The following TEX2 variants were observed in gnomAD, a reference collection of about 807,000 sequenced individuals.
TEX2 encodes testis-expressed protein 2.
Under a neutral mutation model 106.9 loss-of-function variants are expected in TEX2, and 53 were observed. That is an observed-to-expected ratio of 0.50 (90% CI 0.40 to 0.62). The LOEUF (loss-of-function observed/expected upper bound fraction) is 0.62. Ranked by LOEUF, TEX2 falls within the 20% of genes least tolerant of loss-of-function variation. The pLI is 0.00. For missense variants in TEX2, 1,207 were observed against 1,379.0 expected, an observed-to-expected ratio of 0.88 and a Z score of 1.98; for synonymous variants, 523 against 534.8, an observed-to-expected ratio of 0.98 and a Z score of 0.30.
chr17:64,186,331 C>T (rs761759634), intron 5 of TEX2, among the ~76,000 whole-genome samples: 2 of 152,176 alleles, frequency 1.3e-5, no homozygotes, highest in Non-Finnish European at 2.9e-5. Flanking sequence ...GGGAGGTCTG[C>T]TTCCCACTAA....
chr17:64,254,073 AAG>A (rs1433485868), intron 1 of TEX2, among the ~76,000 whole-genome samples: 2 of 152,094 alleles, frequency 1.3e-5, no homozygotes, highest in Non-Finnish European at 2.9e-5. Flanking sequence ...ACCTTCATAC[AAG>A]CCACTTAACA....
At position 64,177,313 on chromosome 17, in the gene TEX2, G is replaced by A; in HGVS notation, c.2571+12C>T. The A allele has an allele frequency of 1.2e-6, 2 of 1,614,000 alleles. No homozygotes were observed. The highest frequency in any genetic ancestry group is 1.7e-6 in the Non-Finnish European group (2 of 1,179,974). On this transcript the variant is annotated intron_variant, in intron 6 of 11. Coordinates refer to ENST00000584379, the MANE Select transcript of TEX2 (RefSeq NM_001288732.2). ...ATAGAGGATTAGAAGCCTCTTGTGT[G>A]GAAAGTGATACCTTTATTTTGCTGA...
chr17:64,228,605 T>A (rs376727830), intron 1 of TEX2, among the ~76,000 whole-genome samples: 40 of 152,268 alleles, frequency 2.6e-4, no homozygotes, highest in African/African-American at 9.1e-4. Context: ...CAGGCAGTCA[T>A]GCGAGGGATG....
At chr17:64,202,832 A>G (rs759326806) in intron 2 of TEX2, among the ~76,000 whole-genome samples, 14 of 152,210 alleles carry the variant, frequency 9.2e-5, no homozygotes, top group Non-Finnish European at 1.9e-4. Flanking sequence ...TTCTTTCTGA[A>G]GCTAGAGCTG....
Position 64,185,140 on chromosome 17 carries a change from T to C in TEX2, c.2424+3028A>G, listed in dbSNP as rs1238612652. On this transcript the variant is annotated intron_variant, in intron 5 of 11. Coordinates refer to ENST00000584379, the MANE Select transcript of TEX2 (RefSeq NM_001288732.2). This position sits in a 1 kb window ranked among gnomAD's most constrained non-coding sequence, Gnocchi z 4.0. Reference sequence around the variant, plus strand: ...TGTAATCCAGTTTATAGATATGAGATGATGAGCACGACGAGTAGTAATAAG... The same window carrying C: ...TGTAATCCAGTTTATAGATATGAGACGATGAGCACGACGAGTAGTAATAAG... Among the ~76,000 whole-genome samples the C allele has an allele frequency of 6.6e-6, 1 of 152,194 alleles. No individual in the cohort carries two copies. The highest frequency in any genetic ancestry group is 1.5e-5 in the Non-Finnish European group (1 of 68,032).
intron 4 of TEX2, among the ~76,000 whole-genome samples, chr17:64,189,404 G>A (rs2032211171): frequency 6.6e-6 from 1 of 152,196 alleles, no homozygotes; most frequent in South Asian, 2.1e-4. Flanking sequence ...GTGGGGAAGA[G>A]TATTCCAGGT....
intron 1 of TEX2, chr17:64,256,026 C>T (rs1167282310): frequency 6.6e-6 from 1 of 152,324 alleles, no homozygotes; most frequent in Non-Finnish European, 1.5e-5. Context: ...ACAGGTAGGG[C>T]CAAGTCTCCC....
At chr17:64,184,384 G>A (rs1176877088) in intron 5 of TEX2, among the ~76,000 whole-genome samples, 5 of 152,172 alleles carry the variant, frequency 3.3e-5, no homozygotes, top group Admixed American at 6.5e-5. Flanking sequence ...TTATAGGCGT[G>A]AGCCACTGCA....
chr17:64,239,302 C>A (rs1194107699), intron 1 of TEX2: 2 of 152,186 alleles, frequency 1.3e-5, no homozygotes, highest in Non-Finnish European at 2.9e-5. Context: ...CTTGAAATAA[C>A]CTTAATTTTT....
In TEX2 at chr17:64,200,390, C is replaced by T. The variant is rs529424943; in HGVS notation, c.1645-5295G>A. On this transcript the variant is annotated intron_variant, in intron 2 of 11. Transcript: ENST00000584379. The stretch of plus-strand genomic sequence containing the variant: ...CCTGGATAACAAGAGCAACCATTTC[C>T]ACAGTGCTTCAGGGATTCGGTTTTT... Among the ~76,000 whole-genome samples, 7 of 152,262 alleles carry T rather than the reference C, an allele frequency of 4.6e-5. No homozygotes were observed. In the East Asian group the frequency reaches 1.2e-3, roughly 25 times the overall value.
At chr17:64,175,270 T>C (rs540539989) in intron 6 of TEX2, among the ~76,000 whole-genome samples, 3 of 152,300 alleles carry the variant, frequency 2.0e-5, no homozygotes, top group African/African-American at 7.2e-5. Context: ...GTGCAGCAGA[T>C]CAGGAGGCGG....
At chr17:64,184,372 G>C (rs958137812) in intron 5 of TEX2, among the ~76,000 whole-genome samples, 13 of 152,184 alleles carry the variant, frequency 8.5e-5, no homozygotes, top group Non-Finnish European at 1.9e-4. Flanking sequence ...AAAGTGCTCA[G>C]ATTATAGGCG....
At chr17:64,246,588 G>C (rs1056914294) in intron 1 of TEX2, among the ~76,000 whole-genome samples, 3 of 152,098 alleles carry the variant, frequency 2.0e-5, no homozygotes, top group Admixed American at 2.0e-4. Context: ...TAGAAGAATG[G>C]TCTTTCTGAA....
At chr17:64,171,500 T>C (rs532896594) in intron 6 of TEX2, among the ~76,000 whole-genome samples, 3 of 151,952 alleles carry the variant, frequency 2.0e-5, no homozygotes, top group African/African-American at 7.2e-5. Flanking sequence ...AAGCAGGTAA[T>C]GGGCAGAGGG....
chr17:64,206,097 T>C (rs1465411897), intron 2 of TEX2, among the ~76,000 whole-genome samples: 2 of 152,208 alleles, frequency 1.3e-5, no homozygotes, highest in Non-Finnish European at 2.9e-5. Context: ...ACCATCTGAT[T>C]TGGCTAAGCA....
At chr17:64,157,522 A>G (rs886535930) in intron 8 of TEX2, among the ~76,000 whole-genome samples, 12 of 152,244 alleles carry the variant, frequency 7.9e-5, no homozygotes, top group African/African-American at 2.9e-4. Context: ...AGGATAGCTA[A>G]AAGAATGTCA....
chr17:64,182,255 T>C (rs951527600), intron 5 of TEX2, among the ~76,000 whole-genome samples: 6 of 152,104 alleles, frequency 3.9e-5, no homozygotes, highest in Non-Finnish European at 8.8e-5. Flanking sequence ...TAATTCTACT[T>C]ATATGAGGTA....
rs1045141125 is a variant in TEX2, at chr17:64,153,310, G to A, written c.2931-156C>T. Among the ~76,000 whole-genome samples the A allele has an allele frequency of 2.0e-5, 3 of 152,136 alleles. No individual in the cohort carries two copies. Among genetic ancestry groups the A allele is most frequent in the African/African-American group, 7.2e-5 (3 of 41,414 alleles). On this transcript the variant is annotated intron_variant, in intron 9 of 11. Transcript: ENST00000584379. The surrounding 1 kb of genome is among the most constrained non-coding windows in gnomAD (Gnocchi z 4.1). ...GCGGGGGGCATCCTGTGCATTGCAG[G>A]GTGTTCAGCAGCATCCCTGGTCTCT...
intron 4 of TEX2, among the ~76,000 whole-genome samples, chr17:64,192,410 G>T (rs888271121): frequency 6.6e-6 from 1 of 152,306 alleles, no homozygotes; most frequent in South Asian, 2.1e-4. Flanking sequence ...ATGCGGCTGC[G>T]GGCCAAGTAT....
Sources: allele counts gnomAD v4.1 joint callset (sites outside exome capture counted in the v4.1 genomes callset), GRCh38; gene constraint gnomAD v4.1.1; non-coding constraint Gnocchi (gnomAD v3.1); transcripts MANE v1.5; gene names NCBI Gene and HGNC (gene_info 2026-07-23, HGNC 2026-07-21).